The following FAM167A variants were observed in gnomAD, a reference collection of about 807,000 sequenced individuals.
FAM167A encodes protein FAM167A.
A neutral mutation model predicts 14.9 loss-of-function variants in FAM167A; 23 were observed. The ratio of observed to expected loss-of-function variants is 1.55; its 90% CI spans 1.11 to 2.19. FAM167A has a LOEUF of 2.19. FAM167A is among the 30% of genes most tolerant of loss of function. The pLI is 0.00. For synonymous variants in FAM167A, 174 were observed against 117.7 expected, an observed-to-expected ratio of 1.48 and a Z score of -3.10; for missense variants, 401 against 281.5, an observed-to-expected ratio of 1.42 and a Z score of -3.04.
chr8:11,447,932 A>T (rs1357844610), intron 1 of FAM167A, among the ~76,000 whole-genome samples: 1 of 152,214 alleles, frequency 6.6e-6, no homozygotes, highest in African/African-American at 2.4e-5. Flanking sequence ...GCCGTGGCTC[A>T]TATCTGTAAT....
chr8:11,463,105 A>G (rs1807603065), intron 1 of FAM167A, among the ~76,000 whole-genome samples: 1 of 152,152 alleles, frequency 6.6e-6, no homozygotes, highest in Non-Finnish European at 1.5e-5. Flanking sequence ...TTGTCCAAAA[A>G]TGTGTACGTC....
chr8:11,424,503 T>C lies in FAM167A; in HGVS notation c.515A>G (p.Glu172Gly), dbSNP rs1804991622. The change falls in exon 3 of 3, where the codon GAG becomes GGG. Residue 172 changes from glutamate to glycine, a missense_variant. Glu to Gly is a moderately conservative substitution (Grantham distance 98). Transcript: ENST00000284486. ...GAGGTCGGCCAGCTCATCCCGCTCC[T>C]CCAGCTCGTAGGTGGCATCGTTGAG... ...RMLNDATYELEERDELADLFC... is the reference protein window; with the variant it reads ...RMLNDATYELGERDELADLFC... 1 of 1,614,098 alleles carries C rather than the reference T, an allele frequency of 6.2e-7. No individual in the cohort carries two copies. Among genetic ancestry groups the C allele is most frequent in the Non-Finnish European group, 8.5e-7 (1 of 1,179,952 alleles).
intron 2 of FAM167A, chr8:11,443,742 TG>T (rs937572262): frequency 1.9e-5 from 7 of 361,514 alleles, no homozygotes; most frequent in African/African-American, 8.6e-5. Flanking sequence ...GGAGCGGTGT[TG>T]GGGGGAGGGG....
chr8:11,459,280 G>A (rs555826617), intron 1 of FAM167A, among the ~76,000 whole-genome samples: 1 of 152,248 alleles, frequency 6.6e-6, no homozygotes, highest in South Asian at 2.1e-4. Flanking sequence ...TCACAAGCAG[G>A]TCAGGGAAGG....
upstream of FAM167A, among the ~76,000 whole-genome samples, chr8:11,472,256 C>A (rs1015300438): frequency 3.3e-5 from 5 of 152,096 alleles, no homozygotes; most frequent in Admixed American, 1.3e-4. Flanking sequence ...CTGCCCCTCT[C>A]CATTGTGATG....
At chr8:11,453,323 C>T (rs1008945640) in intron 1 of FAM167A, among the ~76,000 whole-genome samples, 3 of 152,204 alleles carry the variant, frequency 2.0e-5, no homozygotes, top group Non-Finnish European at 4.4e-5. Context: ...CAGGCATGTG[C>T]CACCATGCCT....
Position 11,444,634 on chromosome 8 carries a change from C to T in FAM167A, c.-223G>A, listed in dbSNP as rs530848957. 32 of 1,353,062 alleles carry T rather than the reference C, an allele frequency of 2.4e-5. No homozygotes were observed. The highest frequency in any genetic ancestry group is 7.2e-5 in the Admixed American group (2 of 27,876). 83.8% of individuals were successfully genotyped at this position (1,353,062 alleles called of 1,614,324 possible). ...CTCCTGGAGGCTCGGGTCTATGATCCGTCCTGGAAGCCTGTGGGTGCCATG... is the reference window on the plus strand; with the variant it reads ...CTCCTGGAGGCTCGGGTCTATGATCTGTCCTGGAAGCCTGTGGGTGCCATG... On this transcript the variant is annotated 5_prime_UTR_variant, in exon 2 of 3. Coordinates refer to ENST00000284486, the MANE Select transcript of FAM167A (RefSeq NM_053279.3).
intron 2 of FAM167A, chr8:11,434,043 A>C (rs977170826): frequency 6.6e-6 from 1 of 152,202 alleles, no homozygotes; most frequent in African/African-American, 2.4e-5. Context: ...GGCAGGAAAG[A>C]AAGCAGGAGT....
chr8:11,441,014 C>T (rs1189612931), intron 2 of FAM167A, among the ~76,000 whole-genome samples: 1 of 152,168 alleles, frequency 6.6e-6, no homozygotes, highest in Non-Finnish European at 1.5e-5. Context: ...AGGGTTTTTG[C>T]AAGTTGCTTT....
At chr8:11,426,882 C>A (rs1805206517) in intron 2 of FAM167A, among the ~76,000 whole-genome samples, 1 of 152,134 alleles carries the variant, frequency 6.6e-6, no homozygotes, top group Admixed American at 6.5e-5. Flanking sequence ...GCACGTGAAG[C>A]AATCAGGTAT....
At chr8:11,425,987 C>G in intron 2 of FAM167A, among the ~76,000 whole-genome samples, 1 of 152,090 alleles carries the variant, frequency 6.6e-6, no homozygotes, top group East Asian at 1.9e-4. Context: ...AAATGAGAGT[C>G]TGGCAAATTT....
upstream of FAM167A, among the ~76,000 whole-genome samples, chr8:11,471,889 C>G (rs1034388571): frequency 5.9e-5 from 9 of 152,146 alleles, no homozygotes; most frequent in African/African-American, 2.2e-4. Flanking sequence ...GCTCCCCTGT[C>G]CAAGCTCTGG....
chr8:11,445,254 A>G, intron 1 of FAM167A: 2 of 985,530 alleles, frequency 2.0e-6, no homozygotes, highest in South Asian at 4.7e-5. Flanking sequence ...AGAGCCAGCC[A>G]GCAGGGAAAC....
intron 1 of FAM167A, among the ~76,000 whole-genome samples, chr8:11,465,189 G>A (rs1463147468): frequency 6.6e-6 from 1 of 152,190 alleles, no homozygotes; most frequent in African/African-American, 2.4e-5. Flanking sequence ...GCAGGCAGGG[G>A]ACCTTCTCAG....
At chr8:11,436,080 C>T (rs1042464185) in intron 2 of FAM167A, among the ~76,000 whole-genome samples, 1 of 152,214 alleles carries the variant, frequency 6.6e-6, no homozygotes, top group Non-Finnish European at 1.5e-5. Context: ...CTTTACTGAG[C>T]GCTCCCTTAT....
At chr8:11,475,798 C>T (rs147888606) in intron 1 of FAM167A, among the ~76,000 whole-genome samples, 81 of 152,228 alleles carry the variant, frequency 5.3e-4, no homozygotes, top group African/African-American at 1.9e-3. Flanking sequence ...TCCCCTCCCC[C>T]AACTCAAATT....
At position 11,422,362 on chromosome 8, in the gene FAM167A, GTGTGTGT is replaced by G; in HGVS notation, c.*2004_*2010del. 2 of 115,850 alleles carry G rather than the reference GTGTGTGT, an allele frequency of 1.7e-5. No individual in the cohort carries two copies. Among genetic ancestry groups the G allele is most frequent in the African/African-American group, 8.7e-5 (2 of 22,930 alleles). The allele number at this position is 115,850 out of a possible 1,614,324, so 7.2% of individuals were successfully genotyped here. A position where few individuals can be genotyped will look rare whatever the true frequency, so the allele number is the denominator to read the frequency against. On this transcript the variant is annotated 3_prime_UTR_variant, in exon 3 of 3. Transcript: ENST00000284486. ...TTATGGCATGTTCTCTGTCGTGTGT[GTGTGTGT>G]GGGGGTGTGTGTGTGTGTGTGTGTG...
At chr8:11,436,736 C>T (rs28606038) in intron 2 of FAM167A, among the ~76,000 whole-genome samples, 2 of 152,138 alleles carry the variant, frequency 1.3e-5, no homozygotes, top group Non-Finnish European at 2.9e-5. Context: ...CCTCAGAAGA[C>T]CCCTGGGGCA....
In FAM167A at chr8:11,424,348, C is replaced by A. The variant is rs1804977651; in HGVS notation, c.*25G>T. On this transcript the variant is annotated 3_prime_UTR_variant, in exon 3 of 3. Coordinates refer to ENST00000284486, the MANE Select transcript of FAM167A (RefSeq NM_053279.3). ...CTCCAGCCCAAGCCCTCCGCTCCAGCCCCTCCGCCCAGTCTGAGGGCTCCT... is the reference window on the plus strand; with the variant it reads ...CTCCAGCCCAAGCCCTCCGCTCCAGACCCTCCGCCCAGTCTGAGGGCTCCT... The A allele has an allele frequency of 1.2e-6, 2 of 1,611,696 alleles. No individual in the cohort carries two copies. The highest frequency in any genetic ancestry group is 1.7e-6 in the Non-Finnish European group (2 of 1,178,086).
Sources: gnomAD v4.1 joint callset for allele counts (sites outside exome capture counted in the v4.1 genomes callset) on GRCh38, gnomAD v4.1.1 for gene constraint, MANE v1.5 for transcripts, NCBI Gene and HGNC (gene_info 2026-07-23, HGNC 2026-07-21) for gene names.